Variants in KCND2 observed in about 807,000 individuals in gnomAD.
KCND2 encodes potassium voltage-gated channel subfamily D member 2.
A neutral mutation model predicts 54.4 loss-of-function variants in KCND2; 16 were observed. The observed-to-expected ratio is 0.29, with a 90% CI of 0.20 to 0.45. The LOEUF is 0.45. Ranked by LOEUF, KCND2 falls within the 20% of genes least tolerant of loss-of-function variation. The probability of loss-of-function intolerance (pLI) is 1.00; values close to 1 mark genes in which losing one functional copy is unlikely to be tolerated. For missense variants in KCND2, 486 were observed against 824.2 expected (o/e 0.59, Z 5.02); for synonymous variants, 317 against 310.7 (o/e 1.02, Z -0.21).
rs1341000506 is a variant in KCND2, at chr7:120,732,984, T to C, written c.1197T>C (p.Ala399=). 1 of 1,613,748 alleles carries C rather than the reference T, an allele frequency of 6.2e-7. No individual in the cohort carries two copies. Among genetic ancestry groups the C allele is most frequent in the Non-Finnish European group, 8.5e-7 (1 of 1,179,800 alleles). ...ICSLSGVLVI[A]LPVPVIVSNF... ...CGCTGAGTGGGGTCTTGGTCATTGC[T>C]CTACCTGTTCCGGTGATTGTATCCA... The change falls in exon 2 of 6, where the codon GCT becomes GCC. Residue 399 remains alanine, a synonymous_variant. Transcript: ENST00000331113.
At chr7:120,633,688 G>C (rs1233848323) in intron 1 of KCND2, among the ~76,000 whole-genome samples, 24 of 152,124 alleles carry the variant, frequency 1.6e-4, no homozygotes, top group Non-Finnish European at 1.9e-4. Flanking sequence ...GCAAACTGTG[G>C]GCCCAAGATT....
chr7:120,376,610 T>A (rs1800838354), intron 1 of KCND2, among the ~76,000 whole-genome samples: 1 of 151,486 alleles, frequency 6.6e-6, no homozygotes, highest in Admixed American at 6.6e-5. Context: ...TATTAGTATC[T>A]CTAGTCCTAA....
chr7:120,439,349 C>T (rs890303790), intron 1 of KCND2, among the ~76,000 whole-genome samples: 2 of 151,960 alleles, frequency 1.3e-5, no homozygotes, highest in Non-Finnish European at 2.9e-5. Flanking sequence ...GAGATCCAAA[C>T]ACAGAAGCAC....
At chr7:120,613,406 C>T (rs1244105299) in intron 1 of KCND2, among the ~76,000 whole-genome samples, 1 of 152,146 alleles carries the variant, frequency 6.6e-6, no homozygotes, top group African/African-American at 2.4e-5. Flanking sequence ...TGGCGCACGC[C>T]TGTAATCACA....
chr7:120,597,102 A>G (rs1792755180), intron 1 of KCND2, among the ~76,000 whole-genome samples: 1 of 152,134 alleles, frequency 6.6e-6, no homozygotes, highest in Non-Finnish European at 1.5e-5. Context: ...GGAATAAGGG[A>G]GATCAGTTAG....
chr7:120,637,050 G>A (rs1793313688), intron 1 of KCND2, among the ~76,000 whole-genome samples: 1 of 152,012 alleles, frequency 6.6e-6, no homozygotes, highest in African/African-American at 2.4e-5. Context: ...TATTCAACAG[G>A]CATACATTGT....
In KCND2 at chr7:120,274,943, TC is replaced by T. The variant is rs1799151068; in HGVS notation, c.313del (p.His105ThrfsTer61). The T allele has an allele frequency of 6.2e-7, 1 of 1,613,924 alleles. No individual in the cohort carries two copies. Among genetic ancestry groups the T allele is most frequent in the African/African-American group, 1.3e-5 (1 of 74,898 alleles). ...HILNFYRTGK[L>X]HYPRHECISA... ...CTGAATTTCTACCGCACTGGGAAGC[TC>T]CACTATCCTCGCCACGAGTGCATCT... On this transcript the variant is annotated frameshift_variant, in exon 1 of 6. Transcript: ENST00000331113. LOFTEE classifies it high-confidence loss of function.
At chr7:120,561,309 A>T (rs1309185511) in intron 1 of KCND2, among the ~76,000 whole-genome samples, 1 of 152,218 alleles carries the variant, frequency 6.6e-6, no homozygotes. Context: ...AGTAGAAAAT[A>T]TGGTAAATAA....
intron 1 of KCND2, among the ~76,000 whole-genome samples, chr7:120,690,511 T>C (rs189030054): frequency 6.6e-6 from 1 of 152,300 alleles, no homozygotes; most frequent in East Asian, 1.9e-4. Flanking sequence ...ACCAGAGCTA[T>C]AACACCATCC....
intron 1 of KCND2, among the ~76,000 whole-genome samples, chr7:120,488,464 C>G (rs1207956273): frequency 6.6e-6 from 1 of 152,008 alleles, no homozygotes; most frequent in African/African-American, 2.4e-5. Flanking sequence ...TACCTCCATT[C>G]TTTTTATTTA....
At chr7:120,378,594 A>G (rs192516877) in intron 1 of KCND2, among the ~76,000 whole-genome samples, 1 of 151,988 alleles carries the variant, frequency 6.6e-6, no homozygotes, top group Non-Finnish European at 1.5e-5. Context: ...GATATTTGAG[A>G]TAATCGGTAT....
chr7:120,305,183 T>C (rs968321385), intron 1 of KCND2, among the ~76,000 whole-genome samples: 1 of 152,146 alleles, frequency 6.6e-6, no homozygotes, highest in Non-Finnish European at 1.5e-5. Context: ...CTTTGCAAAG[T>C]AGCAAGAAAA....
intron 1 of KCND2, among the ~76,000 whole-genome samples, chr7:120,416,474 G>A (rs1285725796): frequency 6.6e-6 from 1 of 152,100 alleles, no homozygotes; most frequent in African/African-American, 2.4e-5. Flanking sequence ...GACTTTCATA[G>A]TATTACATAT....
At chr7:120,612,304 G>A (rs1432893004) in intron 1 of KCND2, among the ~76,000 whole-genome samples, 1 of 152,080 alleles carries the variant, frequency 6.6e-6, no homozygotes, top group Non-Finnish European at 1.5e-5. Context: ...ACGAAACAAA[G>A]ACCTAATGTT....
At chr7:120,584,391 G>C (rs1233806534) in intron 1 of KCND2, among the ~76,000 whole-genome samples, 1 of 152,170 alleles carries the variant, frequency 6.6e-6, no homozygotes, top group Non-Finnish European at 1.5e-5. Flanking sequence ...TATCCCTGCT[G>C]TTATTTCTTA....
intron 1 of KCND2, among the ~76,000 whole-genome samples, chr7:120,364,795 T>A (rs1199514848): frequency 6.6e-6 from 1 of 152,024 alleles, no homozygotes; most frequent in Non-Finnish European, 1.5e-5. Context: ...ACATCAAAGA[T>A]GATCAGATAT....
At chr7:120,658,140 G>T (rs1026344619) in intron 1 of KCND2, among the ~76,000 whole-genome samples, 5 of 152,080 alleles carry the variant, frequency 3.3e-5, no homozygotes, top group Admixed American at 6.5e-5. Context: ...GAAGAAAATT[G>T]CACGTGGGTT....
intron 1 of KCND2, among the ~76,000 whole-genome samples, chr7:120,454,405 TCA>T (rs1414322633): frequency 6.6e-6 from 1 of 152,116 alleles, no homozygotes; most frequent in Admixed American, 6.5e-5. Flanking sequence ...CAAAAATCCC[TCA>T]GTGACTGCTA....
intron 1 of KCND2, among the ~76,000 whole-genome samples, chr7:120,310,684 C>T (rs73213478): frequency 0.043 from 6,618 of 152,138 alleles, 225 homozygotes; most frequent in Non-Finnish European, 0.063. Context: ...GGTGGCTCAT[C>T]CCAGCACTTT....
Sources: gnomAD v4.1 joint callset for allele counts (sites outside exome capture counted in the v4.1 genomes callset) on GRCh38, gnomAD v4.1.1 for gene constraint, MANE v1.5 for transcripts, NCBI Gene and HGNC (gene_info 2026-07-23, HGNC 2026-07-21) for gene names.